The following LRRC69 variants were observed in gnomAD, a reference collection of about 807,000 sequenced individuals.
The protein encoded by LRRC69 is leucine-rich repeat-containing protein 69.
In LRRC69, 42 loss-of-function variants were observed where a neutral mutation model predicts 37.8. The ratio of observed to expected loss-of-function variants is 1.11; its 90% CI spans 0.87 to 1.44. The LOEUF is 1.44. Among genes scored for constraint, LRRC69 ranks in the 40% most tolerant of loss-of-function variants. LRRC69 has a pLI of 0.00. For missense variants in LRRC69, 357 were observed against 401.9 expected (o/e 0.89, Z 0.96); for synonymous variants, 141 against 143.1 (o/e 0.99, Z 0.11).
intron 5 of LRRC69, among the ~76,000 whole-genome samples, chr8:91,154,104 A>G (rs750328919): frequency 5.9e-5 from 9 of 151,924 alleles, no homozygotes; most frequent in Non-Finnish European, 2.9e-5. Flanking sequence ...CAAATAAACT[A>G]GAAAATCTAG....
intron 5 of LRRC69, among the ~76,000 whole-genome samples, chr8:91,166,667 G>T (rs373898373): frequency 6.6e-6 from 1 of 151,698 alleles, no homozygotes; most frequent in Non-Finnish European, 1.5e-5. Context: ...AAATATTAGC[G>T]TGGAAAAGGG....
At chr8:91,172,388 G>A (rs1166055365) in intron 5 of LRRC69, among the ~76,000 whole-genome samples, 1 of 151,760 alleles carries the variant, frequency 6.6e-6, no homozygotes, top group South Asian at 2.1e-4. Flanking sequence ...TTTTCTAATT[G>A]GTTATTATCA....
intron 6 of LRRC69, among the ~76,000 whole-genome samples, chr8:91,192,782 C>A (rs1460671914): frequency 4.0e-5 from 6 of 150,510 alleles, no homozygotes; most frequent in African/African-American, 1.5e-4. Flanking sequence ...AAAATTTTCT[C>A]CCATTTTCTA....
exon 5 of LRRC69, chr8:91,135,688 A>G: frequency 2.0e-6 from 3 of 1,470,566 alleles, no homozygotes; most frequent in Non-Finnish European, 2.7e-6. Context: ...ATCTTAAAAA[A>G]CTAAGAATCC....
intron 1 of LRRC69, among the ~76,000 whole-genome samples, chr8:91,115,948 A>G (rs966832567): frequency 2.0e-5 from 3 of 152,048 alleles, no homozygotes; most frequent in East Asian, 3.9e-4. Flanking sequence ...TAAGCCTAAC[A>G]TACATGTCTC....
rs138455290 is a variant in LRRC69, at chr8:91,135,116, A to G, written c.580-552A>G. On this transcript the variant is annotated intron_variant, in intron 4 of 7. Coordinates refer to ENST00000448384, the Ensembl canonical transcript of LRRC69. ...ATAACATGAGATACTGAAGGAACAC[A>G]TTGGAGTCTGAAAATCTCTGCAGCT... Among the ~76,000 whole-genome samples the G allele has an allele frequency of 3.3e-5, 5 of 152,178 alleles. No individual in the cohort carries two copies. In the East Asian group the frequency reaches 9.6e-4, roughly 29 times the overall value.
chr8:91,197,683 T>A (rs1314511551), intron 6 of LRRC69, among the ~76,000 whole-genome samples: 1 of 152,166 alleles, frequency 6.6e-6, no homozygotes, highest in Non-Finnish European at 1.5e-5. Flanking sequence ...AGTGAGGCAA[T>A]GCCTCACCCT....
At chr8:91,165,123 C>T (rs145488150) in intron 5 of LRRC69, among the ~76,000 whole-genome samples, 212 of 151,664 alleles carry the variant, frequency 1.4e-3, no homozygotes, top group African/African-American at 4.8e-3. Context: ...TCTGTAGTTC[C>T]CCCACAAAAG....
chr8:91,112,844 A>C (rs1813432576), intron 1 of LRRC69, among the ~76,000 whole-genome samples: 1 of 152,004 alleles, frequency 6.6e-6, no homozygotes, highest in Non-Finnish European at 1.5e-5. Flanking sequence ...TCAATAAAAA[A>C]CCGTTAGAAC....
intron 1 of LRRC69, among the ~76,000 whole-genome samples, chr8:91,106,486 G>A (rs1364459163): frequency 1.3e-5 from 2 of 151,804 alleles, no homozygotes; most frequent in Admixed American, 6.6e-5. Context: ...CCATTCACTG[G>A]GAGCCAAGCA....
intron 5 of LRRC69, among the ~76,000 whole-genome samples, chr8:91,184,391 G>A (rs868371127): frequency 2.0e-5 from 3 of 152,066 alleles, no homozygotes; most frequent in Non-Finnish European, 4.4e-5. Context: ...TACTCAAAGA[G>A]TAAGAATAAC....
Position 91,116,182 on chromosome 8 carries a change from T to G in LRRC69, c.184-8311T>G, listed in dbSNP as rs540033194. On this transcript the variant is annotated intron_variant, in intron 1 of 7. Coordinates refer to ENST00000448384, the Ensembl canonical transcript of LRRC69. ...TTTACTGCATTTCTAGCACCAGGTA[T>G]GGCTAACATTTTACCCCACAGTATT... 3.9e-5 allele frequency among the ~76,000 whole-genome samples: 6 copies of G among 152,140 alleles called. No individual in the cohort carries two copies. The East Asian group carries it at 7.7e-4, about 20-fold the overall frequency.
intron 1 of LRRC69, among the ~76,000 whole-genome samples, chr8:91,109,363 G>A (rs912855309): frequency 1.3e-5 from 2 of 152,022 alleles, no homozygotes; most frequent in East Asian, 3.9e-4. Context: ...AGTGGGCCTC[G>A]TCATTCTTAG....
At chr8:91,158,905 A>G (rs1808886725) in intron 5 of LRRC69, among the ~76,000 whole-genome samples, 1 of 151,276 alleles carries the variant, frequency 6.6e-6, no homozygotes, top group African/African-American at 2.4e-5. Context: ...GTGGGGGAAA[A>G]CTATTAATTT....
chr8:91,158,976 G>A (rs1004392096), intron 5 of LRRC69, among the ~76,000 whole-genome samples: 3 of 150,994 alleles, frequency 2.0e-5, no homozygotes, highest in Non-Finnish European at 3.0e-5. Flanking sequence ...TGTACACTAG[G>A]TAATAAAATT....
intron 5 of LRRC69, among the ~76,000 whole-genome samples, chr8:91,137,079 T>C (rs1808435883): frequency 6.6e-6 from 1 of 152,064 alleles, no homozygotes; most frequent in Non-Finnish European, 1.5e-5. Context: ...TTAGATGAAA[T>C]TGTTGAATCA....
chr8:91,158,588 T>C, intron 5 of LRRC69: 1 of 1,364,026 alleles, frequency 7.3e-7, no homozygotes, highest in Non-Finnish European at 1.0e-6. Flanking sequence ...GGGGTGTTTA[T>C]AGTTCTGATG....
intron 1 of LRRC69, among the ~76,000 whole-genome samples, chr8:91,117,500 A>G (rs1372638355): frequency 6.6e-6 from 1 of 150,430 alleles, no homozygotes; most frequent in Non-Finnish European, 1.5e-5. Flanking sequence ...CCAGTTTTAT[A>G]CTTTGAATTT....
At chr8:91,161,101 C>T (rs1028591621) in intron 5 of LRRC69, among the ~76,000 whole-genome samples, 1 of 151,308 alleles carries the variant, frequency 6.6e-6, no homozygotes, top group Non-Finnish European at 1.5e-5. Context: ...TATATATTTA[C>T]TTATTAGCAT....
Sources: allele counts gnomAD v4.1 joint callset (sites outside exome capture counted in the v4.1 genomes callset), GRCh38; gene constraint gnomAD v4.1.1; transcripts MANE v1.5; gene names NCBI Gene and HGNC (gene_info 2026-07-23, HGNC 2026-07-21).